CPNE4: variants seen among roughly 807,000 people sequenced by gnomAD.
The protein encoded by CPNE4 is copine 4.
In CPNE4, 25 loss-of-function variants were observed where a neutral mutation model predicts 67.9. That is an observed-to-expected ratio of 0.37 (90% CI 0.27 to 0.51). The LOEUF (loss-of-function observed/expected upper bound fraction) is 0.51. Ranked by LOEUF, CPNE4 falls within the 20% of genes least tolerant of loss-of-function variation. The pLI, the probability that CPNE4 is intolerant of heterozygous loss-of-function variation, is 0.93. For synonymous variants in CPNE4, 242 were observed against 244.9 expected (o/e 0.99, Z 0.11); for missense variants, 464 against 690.8 (o/e 0.67, Z 3.68).
intron 7 of CPNE4, among the ~76,000 whole-genome samples, chr3:131,615,757 C>T (rs1940098758): frequency 2.6e-5 from 4 of 151,906 alleles, no homozygotes; most frequent in Admixed American, 2.6e-4. Context: ...ATCTGCATGC[C>T]CATAATCCCA....
At chr3:131,636,535 C>T (rs1174797874) in intron 7 of CPNE4, among the ~76,000 whole-genome samples, 1 of 152,164 alleles carries the variant, frequency 6.6e-6, no homozygotes, top group Non-Finnish European at 1.5e-5. Context: ...TCCCTGCCCC[C>T]ACCTAGTGGT....
chr3:131,772,314 T>G (rs893540709), intron 2 of CPNE4, among the ~76,000 whole-genome samples: 1 of 152,140 alleles, frequency 6.6e-6, no homozygotes, highest in Non-Finnish European at 1.5e-5. Context: ...ATTCAATAAA[T>G]TTTATTATAA....
chr3:131,758,879 T>C (rs1000271977), intron 2 of CPNE4, among the ~76,000 whole-genome samples: 3 of 152,166 alleles, frequency 2.0e-5, no homozygotes, highest in African/African-American at 7.2e-5. Flanking sequence ...CTCTTGCTGC[T>C]GCCATGTAAG....
intron 2 of CPNE4, among the ~76,000 whole-genome samples, chr3:131,742,690 A>G (rs966243851): frequency 5.9e-5 from 9 of 152,168 alleles, no homozygotes; most frequent in Non-Finnish European, 1.3e-4. Context: ...AAAAGCCAAC[A>G]AAAATAAAAA....
chr3:131,980,866 C>A (rs2072886603), intron 1 of CPNE4, among the ~76,000 whole-genome samples: 1 of 152,102 alleles, frequency 6.6e-6, no homozygotes, highest in African/African-American at 2.4e-5. Flanking sequence ...TCTTCAGATT[C>A]TTTTGTCCCA....
At chr3:131,897,160 G>A (rs1474470457) in intron 2 of CPNE4, among the ~76,000 whole-genome samples, 1 of 152,054 alleles carries the variant, frequency 6.6e-6, no homozygotes. Flanking sequence ...GGGTTATTCT[G>A]CCTCCACAGA....
chr3:132,029,155 T>C (rs1409380294), intron 1 of CPNE4, among the ~76,000 whole-genome samples: 1 of 152,058 alleles, frequency 6.6e-6, no homozygotes, highest in Non-Finnish European at 1.5e-5. Context: ...GGATTCAGAG[T>C]TCTTCTGATA....
chr3:131,611,163 G>T (rs571980612), intron 7 of CPNE4, among the ~76,000 whole-genome samples: 15 of 152,252 alleles, frequency 9.9e-5, no homozygotes, highest in South Asian at 2.1e-4. Context: ...TGTGAATAAT[G>T]TGTTGGCCAA....
At chr3:131,807,557 C>T (rs2084366540) in intron 2 of CPNE4, among the ~76,000 whole-genome samples, 1 of 151,894 alleles carries the variant, frequency 6.6e-6, no homozygotes, top group Non-Finnish European at 1.5e-5. Context: ...TAGTGTTAAC[C>T]TCCATGTAAA....
At chr3:131,751,664 G>C (rs1264996643) in intron 2 of CPNE4, among the ~76,000 whole-genome samples, 1 of 151,744 alleles carries the variant, frequency 6.6e-6, no homozygotes, top group Admixed American at 6.6e-5. Context: ...TTCTCATTTG[G>C]TTTGAGATAA....
At chr3:131,731,719 A>C (rs955144789) in intron 2 of CPNE4, among the ~76,000 whole-genome samples, 3 of 152,138 alleles carry the variant, frequency 2.0e-5, no homozygotes, top group Non-Finnish European at 4.4e-5. Context: ...GGTATTCAGC[A>C]CTTGAAATGT....
chr3:131,818,840 G>T (rs926288771), intron 2 of CPNE4, among the ~76,000 whole-genome samples: 1 of 152,202 alleles, frequency 6.6e-6, no homozygotes, highest in Admixed American at 6.5e-5. Context: ...GGTGGCTCAT[G>T]CCTGTAATCC....
At chr3:131,651,382 G>A (rs776639912) in intron 7 of CPNE4, among the ~76,000 whole-genome samples, 1 of 152,132 alleles carries the variant, frequency 6.6e-6, no homozygotes, top group African/African-American at 2.4e-5. Flanking sequence ...GAAAGTCGTT[G>A]GTATTTCTTC....
At chr3:131,832,935 T>C (rs13060378) in intron 2 of CPNE4, among the ~76,000 whole-genome samples, 33,705 of 152,046 alleles carry the variant, frequency 0.22, 4,614 homozygotes, top group East Asian at 0.33. Flanking sequence ...AGTCAAAATT[T>C]GTATATTGAA....
At chr3:131,741,142 T>C (rs2082348011) in intron 2 of CPNE4, among the ~76,000 whole-genome samples, 1 of 152,230 alleles carries the variant, frequency 6.6e-6, no homozygotes, top group Non-Finnish European at 1.5e-5. Context: ...CTGTCTAACA[T>C]AATGTAAATT....
At position 131,738,602 on chromosome 3, in the gene CPNE4, G is replaced by C. The variant is rs570269169; in HGVS notation, c.181-14977C>G. On this transcript the variant is annotated intron_variant, in intron 2 of 15. Transcript: ENST00000429747. ...AATTCTATACCTGATTTTAAATATGGGGTTTTTGGTTTTGTGGGTTTTTTG... is the reference window on the plus strand; with the variant it reads ...AATTCTATACCTGATTTTAAATATGCGGTTTTTGGTTTTGTGGGTTTTTTG... 8.7e-4 allele frequency among the ~76,000 whole-genome samples: 127 copies of C among 146,634 alleles called. 1 individual carries two copies. Among genetic ancestry groups the C allele is most frequent in the Non-Finnish European group, 1.7e-3 (108 of 64,978 alleles).
chr3:131,607,930 G>T (rs1439545273), intron 7 of CPNE4, among the ~76,000 whole-genome samples: 2 of 152,158 alleles, frequency 1.3e-5, no homozygotes, highest in African/African-American at 4.8e-5. Flanking sequence ...GTGCAGGGTT[G>T]CCGCTTGCAT....
At chr3:131,776,149 C>G (rs1391900888) in intron 2 of CPNE4, among the ~76,000 whole-genome samples, 1 of 152,132 alleles carries the variant, frequency 6.6e-6, no homozygotes, top group East Asian at 1.9e-4. Context: ...CACTCCCATC[C>G]CAACTTCTCA....
intron 1 of CPNE4, among the ~76,000 whole-genome samples, chr3:131,960,501 G>C (rs1439155485): frequency 2.0e-5 from 3 of 152,164 alleles, no homozygotes; most frequent in Admixed American, 1.3e-4. Flanking sequence ...TCTCTGACCT[G>C]CTTCCCCATA....
Sources: allele counts gnomAD v4.1 joint callset (sites outside exome capture counted in the v4.1 genomes callset), GRCh38; gene constraint gnomAD v4.1.1; transcripts MANE v1.5; gene names NCBI Gene and HGNC (gene_info 2026-07-23, HGNC 2026-07-21).